The following COL23A1 variants were observed in gnomAD, a reference collection of about 807,000 sequenced individuals.
COL23A1 encodes the protein collagen alpha-1(XXIII) chain.
COL23A1 carries 97 observed loss-of-function variants against 99.3 expected under a neutral mutation model. The observed-to-expected ratio is 0.98, with a 90% CI of 0.83 to 1.16. COL23A1 has a LOEUF of 1.16. Ranked by LOEUF, COL23A1 falls within the 50% of genes most tolerant of loss-of-function variation. The pLI is 0.00. For missense variants in COL23A1, 762 were observed against 757.4 expected (o/e 1.01, Z -0.07); for synonymous variants, 320 against 308.2 (o/e 1.04, Z -0.40).
intron 2 of COL23A1, among the ~76,000 whole-genome samples, chr5:178,326,846 G>A (rs1321541060): frequency 2.0e-5 from 3 of 152,062 alleles, no homozygotes; most frequent in Middle Eastern, 3.2e-3. Context: ...CAGCCTCCTG[G>A]GTAGCTGGGA....
chr5:178,558,791 T>G (rs1041482874), intron 2 of COL23A1, among the ~76,000 whole-genome samples: 5 of 151,878 alleles, frequency 3.3e-5, no homozygotes, highest in African/African-American at 1.2e-4. Context: ...TTGCAATTTC[T>G]GACTTTTTTT....
chr5:178,357,742 ACGTG>A (rs1170879248), intron 2 of COL23A1, among the ~76,000 whole-genome samples: 30 of 100,500 alleles, frequency 3.0e-4, no homozygotes, highest in African/African-American at 9.8e-4. Flanking sequence ...GTGTGTATGT[ACGTG>A]TATGTGTGTG....
At chr5:178,353,235 C>A (rs568517031) in intron 2 of COL23A1, among the ~76,000 whole-genome samples, 1 of 149,070 alleles carries the variant, frequency 6.7e-6, no homozygotes, top group South Asian at 2.1e-4. Flanking sequence ...AAGAATGGAG[C>A]AAAATGAAGC....
At chr5:178,258,900 T>G (rs1409624935) in intron 12 of COL23A1, among the ~76,000 whole-genome samples, 1 of 150,678 alleles carries the variant, frequency 6.6e-6, no homozygotes, top group African/African-American at 2.4e-5. Context: ...CTTGGTGTAT[T>G]GTCCAGGGTG....
chr5:178,309,063 G>A lies in COL23A1; in HGVS notation c.362-2144C>T, dbSNP rs552406494. On this transcript the variant is annotated intron_variant, in intron 2 of 28. Transcript: ENST00000390654. This position sits in a 1 kb window ranked among gnomAD's most constrained non-coding sequence, Gnocchi z 4.7. ...GCATGGCAGGAAAGGGGCCAGGAAT[G>A]GGGGAAGTAGCCAGACTCTGCTAGA... Among the ~76,000 whole-genome samples, 1 of 152,266 alleles carries A rather than the reference G, an allele frequency of 6.6e-6. No homozygotes were observed. The highest frequency in any genetic ancestry group is 2.4e-5 in the African/African-American group (1 of 41,552).
intron 2 of COL23A1, among the ~76,000 whole-genome samples, chr5:178,371,126 T>G (rs879108209): frequency 6.6e-6 from 1 of 152,214 alleles, no homozygotes; most frequent in Non-Finnish European, 1.5e-5. Flanking sequence ...AGAAACATCA[T>G]GCCGCACACC....
chr5:178,366,486 G>A lies in COL23A1; in HGVS notation c.362-59567C>T, dbSNP rs1189577498. 1.3e-5 allele frequency among the ~76,000 whole-genome samples: 2 copies of A among 152,136 alleles called. No individual in the cohort carries two copies. Among genetic ancestry groups the A allele is most frequent in the East Asian group, 1.9e-4 (1 of 5,184 alleles). ...TCATCTCTTGTGCATCTTTGCTCACGGCGTCTTCTGCACCTGCACTCCCAT... is the reference window on the plus strand; with the variant it reads ...TCATCTCTTGTGCATCTTTGCTCACAGCGTCTTCTGCACCTGCACTCCCAT... On this transcript the variant is annotated intron_variant, in intron 2 of 28. Coordinates refer to ENST00000390654, the MANE Select transcript of COL23A1 (RefSeq NM_173465.4). The surrounding 1 kb of genome is among the most constrained non-coding windows in gnomAD (Gnocchi z 4.4).
chr5:178,528,251 C>A (rs762035472), intron 2 of COL23A1, among the ~76,000 whole-genome samples: 8 of 152,178 alleles, frequency 5.3e-5, no homozygotes, highest in Non-Finnish European at 8.8e-5. Context: ...TCACCTAAGC[C>A]CACTCACGAT....
At position 178,276,035 on chromosome 5, in the gene COL23A1, G is replaced by A. The variant is rs972045240; in HGVS notation, c.442-5672C>T. On this transcript the variant is annotated intron_variant, in intron 5 of 28. Transcript: ENST00000390654. ...CCTGGTACTAACGCAGCGGGCATTT[G>A]AAACTGGTGGTCCTATAACCGTGTG... 1.8e-4 allele frequency among the ~76,000 whole-genome samples: 27 copies of A among 152,264 alleles called. 1 individual carries two copies. Among genetic ancestry groups the A allele is most frequent in the Admixed American group, 1.5e-3 (23 of 15,288 alleles).
chr5:178,247,793 AG>A lies in COL23A1; in HGVS notation c.1250del (p.Pro417LeufsTer63), dbSNP rs752868344. 6.8e-6 allele frequency: 11 copies of A among 1,611,592 alleles called. No homozygotes were observed. Among genetic ancestry groups the A allele is most frequent in the Admixed American group, 1.7e-5 (1 of 59,942 alleles). Reference protein sequence around the residue: ...LIVEPGPPGPPGPPGPMGLQG... With the variant: ...LIVEPGPPGPXGPPGPMGLQG... ...TCCTTACCATCGGGCCTGGGGGGCCAGGGGGGCCAGGGGGCCCTGGCTCCAC... is the reference window on the plus strand; with the variant it reads ...TCCTTACCATCGGGCCTGGGGGGCCAGGGGGCCAGGGGGCCCTGGCTCCAC... On this transcript the variant is annotated frameshift_variant, in exon 21 of 29. Transcript: ENST00000390654. LOFTEE classifies it high-confidence loss of function.
intron 2 of COL23A1, among the ~76,000 whole-genome samples, chr5:178,376,800 A>G (rs1029173935): frequency 6.6e-6 from 1 of 152,216 alleles, no homozygotes; most frequent in Non-Finnish European, 1.5e-5. Flanking sequence ...GTTTACTGCC[A>G]AGATAAGCAC....
chr5:178,416,978 T>C (rs1197571786), intron 2 of COL23A1, among the ~76,000 whole-genome samples: 1 of 152,148 alleles, frequency 6.6e-6, no homozygotes, highest in African/African-American at 2.4e-5. Context: ...TCCCCAGGTA[T>C]AATTCTTTCC....
At chr5:178,564,313 C>G (rs189487781) in intron 1 of COL23A1, among the ~76,000 whole-genome samples, 1 of 152,296 alleles carries the variant, frequency 6.6e-6, no homozygotes, top group East Asian at 1.9e-4. Flanking sequence ...ACCTCTCCCC[C>G]ACCTCCAGGC....
chr5:178,321,482 T>A (rs966419842), intron 2 of COL23A1, among the ~76,000 whole-genome samples: 2 of 117,842 alleles, frequency 1.7e-5, no homozygotes, highest in African/African-American at 7.0e-5. Context: ...CACCTTCCCT[T>A]TTTTTTTTTT....
At chr5:178,246,000 T>C (rs1581438580) in intron 24 of COL23A1, 32 bp from the exon 25 acceptor site, 2 of 1,612,758 alleles carry the variant, frequency 1.2e-6, no homozygotes, top group South Asian at 1.1e-5. Context: ...GTGAGAGGGG[T>C]TGGGGAGGGG....
chr5:178,519,918 C>G (rs1759844713), intron 2 of COL23A1, among the ~76,000 whole-genome samples: 1 of 149,270 alleles, frequency 6.7e-6, no homozygotes, highest in African/African-American at 2.5e-5. Context: ...GATGAATGGT[C>G]AGATGGACAG....
At position 178,468,334 on chromosome 5, in the gene COL23A1, G is replaced by C. The variant is rs1018091237; in HGVS notation, c.361+92348C>G. 6.6e-6 allele frequency among the ~76,000 whole-genome samples: 1 copy of C among 152,112 alleles called. No homozygotes were observed. Among genetic ancestry groups the C allele is most frequent in the Admixed American group, 6.5e-5 (1 of 15,270 alleles). ...TAGGCCAGAGGGTGAGAGAGAACAC[G>C]GAGGTGCAAGACAGGGAGGGGATGG... is the stretch of plus-strand genomic sequence containing the variant. On this transcript the variant is annotated intron_variant, in intron 2 of 28. Transcript: ENST00000390654. The surrounding 1 kb of genome is among the most constrained non-coding windows in gnomAD (Gnocchi z 4.2).
intron 2 of COL23A1, among the ~76,000 whole-genome samples, chr5:178,376,878 C>T (rs1169701375): frequency 2.0e-5 from 3 of 152,230 alleles, no homozygotes; most frequent in Non-Finnish European, 2.9e-5. Flanking sequence ...AGGGAAATAG[C>T]AAAAGGCTGC....
intron 13 of COL23A1, 53 bp downstream of exon 13, chr5:178,257,470 G>C: frequency 6.5e-7 from 1 of 1,546,628 alleles, no homozygotes; most frequent in Non-Finnish European, 8.8e-7. Context: ...CAGGTAGATG[G>C]GAACCATGGG....
Sources: gnomAD v4.1 joint callset for allele counts (sites outside exome capture counted in the v4.1 genomes callset) on GRCh38, gnomAD v4.1.1 for gene constraint, Gnocchi (gnomAD v3.1) non-coding constraint, MANE v1.5 for transcripts, NCBI Gene and HGNC (gene_info 2026-07-23, HGNC 2026-07-21) for gene names.